DLGAP2: variants seen among roughly 807,000 people sequenced by gnomAD.
DLGAP2 encodes the protein disks large-associated protein 2.
Under a neutral mutation model 100.3 loss-of-function variants are expected in DLGAP2, and 26 were observed. The observed-to-expected ratio is 0.26, with a 90% confidence interval of 0.19 to 0.36. The LOEUF (loss-of-function observed/expected upper bound fraction) is 0.36. Ranked by LOEUF, DLGAP2 falls within the 10% of genes least tolerant of loss-of-function variation. The pLI is 1.00. For synonymous variants in DLGAP2, 886 were observed against 630.1 expected (o/e 1.41, Z -6.08); for missense variants, 1,858 against 1,453.2 (o/e 1.28, Z -4.53).
intron 5 of DLGAP2, among the ~76,000 whole-genome samples, chr8:1,551,405 C>A (rs1417325150): frequency 2.0e-5 from 3 of 152,166 alleles, no homozygotes. Context: ...TCAGAGCCTC[C>A]AGGTTTTGCC....
intron 3 of DLGAP2, among the ~76,000 whole-genome samples, chr8:1,360,518 G>C (rs972797188): frequency 6.6e-6 from 1 of 152,150 alleles, no homozygotes; most frequent in Non-Finnish European, 1.5e-5. Context: ...TTGGTTGTTT[G>C]CCCTCGAGGG....
At chr8:1,154,574 C>G (rs937674564) in intron 2 of DLGAP2, among the ~76,000 whole-genome samples, 2 of 152,182 alleles carry the variant, frequency 1.3e-5, no homozygotes, top group African/African-American at 4.8e-5. Flanking sequence ...TTTCTTGTTT[C>G]TTTTCTTCTT....
chr8:1,565,571 T>C, intron 5 of DLGAP2, 112 bp from the exon 6 acceptor site: 2 of 761,866 alleles, frequency 2.6e-6, no homozygotes, highest in Non-Finnish European at 4.2e-6. Flanking sequence ...GATAAATGAC[T>C]GTAAAGAGGT....
chr8:1,652,297 A>G (rs751713350), intron 8 of DLGAP2, among the ~76,000 whole-genome samples: 3 of 152,096 alleles, frequency 2.0e-5, no homozygotes, highest in Non-Finnish European at 2.9e-5. Flanking sequence ...TATTTTAGTA[A>G]TCCATTCCAT....
In DLGAP2 at chr8:1,624,525, C is replaced by G. The variant is rs577964874; in HGVS notation, c.1443-2215C>G. ...GAGTCCACGCATCCATCAACCTGAG[C>G]CTGAAACTTGTGACCGTGTCTCAGG... On this transcript the variant is annotated intron_variant, in intron 6 of 14. Coordinates refer to ENST00000637795, the MANE Select transcript of DLGAP2 (RefSeq NM_001346810.2). Among the ~76,000 whole-genome samples, 4 of 151,846 alleles carry G rather than the reference C, an allele frequency of 2.6e-5. No individual in the cohort carries two copies. In the East Asian group the frequency reaches 7.8e-4, roughly 29 times the overall value.
At chr8:1,183,624 C>G (rs555880189) in intron 2 of DLGAP2, among the ~76,000 whole-genome samples, 8 of 152,298 alleles carry the variant, frequency 5.3e-5, no homozygotes, top group Non-Finnish European at 7.4e-5. Flanking sequence ...GAGGGAGGCA[C>G]CGCTCCTGGC....
chr8:954,423 C>T (rs1051117048), intron 2 of DLGAP2, among the ~76,000 whole-genome samples: 2 of 152,142 alleles, frequency 1.3e-5, no homozygotes, highest in African/African-American at 4.8e-5. Flanking sequence ...AAAATGTTCA[C>T]GGACGCAGTA....
intron 1 of DLGAP2, among the ~76,000 whole-genome samples, chr8:755,562 G>A (rs1820898721): frequency 6.6e-6 from 1 of 152,236 alleles, no homozygotes; most frequent in South Asian, 2.1e-4. Context: ...AAGCCCAGCG[G>A]AGAAGCGGCA....
intron 1 of DLGAP2, among the ~76,000 whole-genome samples, chr8:855,149 G>C (rs1430070476): frequency 6.6e-6 from 1 of 152,194 alleles, no homozygotes; most frequent in Non-Finnish European, 1.5e-5. Flanking sequence ...GTGGGTGGCA[G>C]TTGAAAACGT....
chr8:879,361 G>T (rs6993875), intron 1 of DLGAP2, among the ~76,000 whole-genome samples: 1 of 152,264 alleles, frequency 6.6e-6, no homozygotes, highest in East Asian at 1.9e-4. Flanking sequence ...CTTGGGGAGC[G>T]TAGGGTTTAC....
Position 1,705,867 on chromosome 8 carries a change from A to T in DLGAP2, c.*4461A>T, listed in dbSNP as rs767414208. 2.0e-5 allele frequency: 3 copies of T among 152,116 alleles called. No individual in the cohort carries two copies. Among genetic ancestry groups the T allele is most frequent in the Non-Finnish European group, 4.4e-5 (3 of 68,030 alleles). 9.4% of individuals were successfully genotyped at this position (152,116 alleles called of 1,614,324 possible). A position where few individuals can be genotyped will look rare whatever the true frequency, so the allele number is the denominator to read the frequency against. On this transcript the variant is annotated 3_prime_UTR_variant, in exon 15 of 15. Transcript: ENST00000637795. ...CGTGGGTTGAATACAAGTTTCCAAAACTTTAAAATAGAAAACCACGAGCTT... is the reference window on the plus strand; with the variant it reads ...CGTGGGTTGAATACAAGTTTCCAAATCTTTAAAATAGAAAACCACGAGCTT...
chr8:902,889 G>C (rs1798287542), intron 1 of DLGAP2, among the ~76,000 whole-genome samples: 1 of 67,032 alleles, frequency 1.5e-5, no homozygotes, highest in Admixed American at 1.4e-4. Context: ...GTGGGCAGGG[G>C]TGGGTGGGTG....
intron 12 of DLGAP2, among the ~76,000 whole-genome samples, chr8:1,683,856 A>ATATATATATATATATATATATGTGTGTG (rs1467438870): frequency 1.6e-5 from 1 of 62,228 alleles, no homozygotes; most frequent in African/African-American, 8.4e-5. Context: ...ATATATATAT[A>ATATATATATATATATATATATGTGTGTG]TGTGTGTGTG....
At chr8:1,252,282 C>G (rs1334138028) in intron 2 of DLGAP2, among the ~76,000 whole-genome samples, 2 of 149,146 alleles carry the variant, frequency 1.3e-5, no homozygotes, top group African/African-American at 2.5e-5. Flanking sequence ...TCATGTCACA[C>G]TTGTCACAAT....
At chr8:1,610,406 T>G (rs1330917399) in intron 6 of DLGAP2, among the ~76,000 whole-genome samples, 1 of 151,100 alleles carries the variant, frequency 6.6e-6, no homozygotes, top group East Asian at 1.9e-4. Flanking sequence ...GAGGGAAATT[T>G]ATAGCACTGA....
chr8:1,007,634 T>TGG lies in DLGAP2; in HGVS notation c.73+99668_73+99669insGG, dbSNP rs199694483. ...TCTTCTCTATGGGTAGTTTTTTTTTTTGGGGGGGGGATCTTCTGTGAGTCA... is the reference window on the plus strand; with the variant it reads ...TCTTCTCTATGGGTAGTTTTTTTTTTGGTGGGGGGGGGATCTTCTGTGAGTCA... On this transcript the variant is annotated intron_variant, in intron 2 of 14. Coordinates refer to ENST00000637795, the MANE Select transcript of DLGAP2 (RefSeq NM_001346810.2). Among the ~76,000 whole-genome samples, 1,294 of 137,980 alleles carry TGG rather than the reference T, an allele frequency of 9.4e-3. 36 individuals are homozygous for TGG. The highest frequency in any genetic ancestry group is 0.029 in the African/African-American group (1,040 of 36,446). The allele number at this position is 137,980 out of a possible 152,430, so 90.5% of individuals were successfully genotyped here.
intron 4 of DLGAP2, among the ~76,000 whole-genome samples, chr8:1,529,602 T>C (rs935533873): frequency 2.6e-5 from 4 of 152,210 alleles, no homozygotes; most frequent in African/African-American, 9.6e-5. Context: ...AGGCAGGGAC[T>C]CGAGTTGCCA....
intron 2 of DLGAP2, among the ~76,000 whole-genome samples, chr8:997,859 TACAC>T (rs1026163056): frequency 4.8e-5 from 7 of 146,020 alleles, no homozygotes; most frequent in East Asian, 1.9e-4. Flanking sequence ...CATACACACA[TACAC>T]ACAAACACAC....
intron 2 of DLGAP2, among the ~76,000 whole-genome samples, chr8:1,159,595 C>A (rs1796852405): frequency 7.6e-6 from 1 of 131,158 alleles, no homozygotes; most frequent in Admixed American, 7.8e-5. Context: ...ATTTTTCTAT[C>A]TAGATTTGTA....
Sources: allele counts gnomAD v4.1 joint callset (sites outside exome capture counted in the v4.1 genomes callset), GRCh38; gene constraint gnomAD v4.1.1; transcripts MANE v1.5; gene names NCBI Gene and HGNC (gene_info 2026-07-23, HGNC 2026-07-21).